The following DNAH12 variants were observed in gnomAD, a reference collection of about 807,000 sequenced individuals.
The protein encoded by DNAH12 is dynein axonemal heavy chain 12, also known as axonemal beta dynein heavy chain 12.
A neutral mutation model predicts 371.5 loss-of-function variants in DNAH12; 285 were observed. That is an observed-to-expected ratio of 0.77 (90% CI 0.70 to 0.85). The LOEUF (loss-of-function observed/expected upper bound fraction) is 0.85. DNAH12 is among the 40% of genes least tolerant of loss of function. The pLI is 0.00. For synonymous variants in DNAH12, 1,200 were observed against 1,213.0 expected (o/e 0.99, Z 0.22); for missense variants, 3,611 against 3,689.4 (o/e 0.98, Z 0.55).
intron 35 of DNAH12, 162 bp from the exon 36 acceptor site, chr3:57,421,868 T>C (rs9827120): frequency 0.27 from 166,676 of 613,240 alleles, 27,223 homozygotes; most frequent in East Asian, 0.43. Context: ...ACATAGTCAT[T>C]TCTCTGACAA....
intron 60 of DNAH12, among the ~76,000 whole-genome samples, chr3:57,351,865 T>C (rs769509253): frequency 6.6e-6 from 1 of 152,186 alleles, no homozygotes; most frequent in Non-Finnish European, 1.5e-5. Context: ...TTTGTTGAAC[T>C]GTACATTAAT....
chr3:57,401,801 G>C (rs1230927372), intron 43 of DNAH12, among the ~76,000 whole-genome samples: 1 of 151,988 alleles, frequency 6.6e-6, no homozygotes, highest in East Asian at 1.9e-4. Context: ...GAAAATAGTA[G>C]CACACTCTGG....
intron 12 of DNAH12, among the ~76,000 whole-genome samples, chr3:57,487,775 A>C (rs969102302): frequency 1.3e-5 from 2 of 152,246 alleles, no homozygotes; most frequent in Non-Finnish European, 2.9e-5. Flanking sequence ...TAATAAGATA[A>C]TTATTTTGTG....
chr3:57,480,174 C>A (rs1378145926), intron 13 of DNAH12, among the ~76,000 whole-genome samples: 2 of 125,926 alleles, frequency 1.6e-5, no homozygotes, highest in African/African-American at 2.5e-5. Context: ...AGACCGCTAG[C>A]AAGACTAATA....
chr3:57,402,430 C>T, intron 43 of DNAH12: 1 of 1,304,902 alleles, frequency 7.7e-7, no homozygotes, highest in South Asian at 1.2e-5. Flanking sequence ...CAATAAAGCT[C>T]TAAAGAAACT....
chr3:57,377,493 G>T (rs901875432), intron 52 of DNAH12, among the ~76,000 whole-genome samples: 1 of 152,022 alleles, frequency 6.6e-6, no homozygotes. Context: ...AATGTCACAA[G>T]ATGTCTCAAA....
At chr3:57,310,205 C>T (rs1239398522) in intron 67 of DNAH12, among the ~76,000 whole-genome samples, 1 of 152,162 alleles carries the variant, frequency 6.6e-6, no homozygotes, top group Non-Finnish European at 1.5e-5. Context: ...GTTTCCTAAT[C>T]ACTTTCCCAC....
At chr3:57,454,942 A>C (rs1489628531) in intron 22 of DNAH12, 48 bp from the exon 23 acceptor site, 1 of 1,525,930 alleles carries the variant, frequency 6.6e-7, no homozygotes, top group Non-Finnish European at 8.8e-7. Flanking sequence ...GAATGAGAAA[A>C]AATAGCTAAA....
intron 35 of DNAH12, among the ~76,000 whole-genome samples, 199 bp from the exon 36 acceptor site, chr3:57,421,905 T>C: frequency 7.4e-6 from 1 of 134,424 alleles, no homozygotes; most frequent in Non-Finnish European, 1.6e-5. Context: ...TGCATGTCTT[T>C]TTTTTTTTTT....
chr3:57,296,090 A>G (rs573458203), intron 72 of DNAH12, among the ~76,000 whole-genome samples: 1 of 152,362 alleles, frequency 6.6e-6, no homozygotes, highest in Admixed American at 6.5e-5. Flanking sequence ...AAACTGTTAT[A>G]AAATGGAATA....
At chr3:57,392,291 TTAAAGA>T (rs2063641070) in intron 44 of DNAH12, among the ~76,000 whole-genome samples, 2 of 152,322 alleles carry the variant, frequency 1.3e-5, no homozygotes, top group Admixed American at 6.5e-5. Context: ...AGAATTTACC[TTAAAGA>T]TAATCACAAA....
At chr3:57,463,587 T>C (rs1436970611) in intron 17 of DNAH12, among the ~76,000 whole-genome samples, 10 of 152,264 alleles carry the variant, frequency 6.6e-5, no homozygotes, top group African/African-American at 2.4e-4. Flanking sequence ...GACCATAAAC[T>C]AGCACACTTT....
intron 34 of DNAH12, among the ~76,000 whole-genome samples, chr3:57,426,874 A>T (rs17058131): frequency 0.23 from 34,858 of 150,446 alleles, 4,723 homozygotes; most frequent in South Asian, 0.43. Context: ...AGAAAGAACT[A>T]TGAGAAGAAA....
At chr3:57,428,883 C>A in intron 33 of DNAH12, 62 bp from the exon 34 acceptor site, 1 of 1,423,922 alleles carries the variant, frequency 7.0e-7, no homozygotes, top group Non-Finnish European at 9.3e-7. Context: ...TGGCAATTAT[C>A]AACTATTTCT....
intron 70 of DNAH12, 95 bp downstream of exon 70, chr3:57,301,640 A>G: frequency 7.0e-7 from 1 of 1,426,324 alleles, no homozygotes; most frequent in Non-Finnish European, 9.4e-7. Context: ...AAAATTTTAC[A>G]TGTGTCTGTA....
At chr3:57,520,452 T>TC (rs371398061) in intron 4 of DNAH12, among the ~76,000 whole-genome samples, 4 of 147,466 alleles carry the variant, frequency 2.7e-5, no homozygotes, top group African/African-American at 9.9e-5. Flanking sequence ...TTATTATTAT[T>TC]TTTTTTTTGA....
chr3:57,447,087 A>T (rs2065529563), intron 25 of DNAH12, among the ~76,000 whole-genome samples: 1 of 152,176 alleles, frequency 6.6e-6, no homozygotes, highest in Non-Finnish European at 1.5e-5. Flanking sequence ...TATAAATGGC[A>T]CCCATGATTG....
intron 70 of DNAH12, among the ~76,000 whole-genome samples, chr3:57,298,707 C>T (rs1431308162): frequency 6.6e-6 from 1 of 152,192 alleles, no homozygotes; most frequent in African/African-American, 2.4e-5. Context: ...CTACCTCATC[C>T]ATGAAACAAT....
intron 13 of DNAH12, among the ~76,000 whole-genome samples, chr3:57,478,714 A>T (rs2066624765): frequency 6.6e-6 from 1 of 152,236 alleles, no homozygotes; most frequent in African/African-American, 2.4e-5. Context: ...CATCAGACTA[A>T]CAGCTGAGCT....
Sources: allele counts gnomAD v4.1 joint callset (sites outside exome capture counted in the v4.1 genomes callset), GRCh38; gene constraint gnomAD v4.1.1; transcripts MANE v1.5; gene names NCBI Gene and HGNC (gene_info 2026-07-23, HGNC 2026-07-21).